The following LPL variants were observed in gnomAD, a reference collection of about 807,000 sequenced individuals.
The protein encoded by LPL is phospholipase A1.
A neutral mutation model predicts 52.2 loss-of-function variants in LPL; 43 were observed. The ratio of observed to expected loss-of-function variants is 0.82; its 90% CI spans 0.64 to 1.06. The LOEUF (loss-of-function observed/expected upper bound fraction) is 1.06. Ranked by LOEUF, LPL falls within the 50% of genes least tolerant of loss-of-function variation. The pLI is 0.00. For synonymous variants in LPL, 244 were observed against 215.6 expected, an observed-to-expected ratio of 1.13 and a Z score of -1.15; for missense variants, 639 against 585.3, an observed-to-expected ratio of 1.09 and a Z score of -0.95.
Position 19,954,125 on chromosome 8 carries a change from G to T in LPL, c.547G>T (p.Asp183Tyr). The change falls in exon 5 of 10, where the codon GAT becomes TAT. Residue 183 changes from aspartate (D) to tyrosine (Y), a missense_variant. Coordinates refer to ENST00000650287, the MANE Select transcript of LPL (RefSeq NM_000237.3). ...CTGCTTTTTTCCCTTTTAAGGCCTCGATCCAGCTGGACCTAACTTTGAGTA... is the reference window on the plus strand; with the variant it reads ...CTGCTTTTTTCCCTTTTAAGGCCTCTATCCAGCTGGACCTAACTTTGAGTA... ...NKKVNRITGL[D>Y]PAGPNFEYAE... The T allele has an allele frequency of 6.2e-7, 1 of 1,613,668 alleles. No individual in the cohort carries two copies. Among genetic ancestry groups the T allele is most frequent in the Middle Eastern group, 1.7e-4 (1 of 6,060 alleles).
intron 3 of LPL, among the ~76,000 whole-genome samples, chr8:19,952,543 T>G (rs771217134): frequency 6.6e-5 from 10 of 152,166 alleles, no homozygotes; most frequent in Non-Finnish European, 1.5e-4. Context: ...GAAAAGTATC[T>G]TGGGGTTGGA....
At chr8:19,940,650 C>T (rs2069829849) in intron 1 of LPL, among the ~76,000 whole-genome samples, 1 of 152,262 alleles carries the variant, frequency 6.6e-6, no homozygotes, top group African/African-American at 2.4e-5. Context: ...GCTGGAATTG[C>T]AATTAGGGCG....
rs1059611 is a variant in LPL, at chr8:19,967,052, T to C, written c.*1742T>C. On this transcript the variant is annotated 3_prime_UTR_variant, in exon 10 of 10. Transcript: ENST00000650287. ...GTAAATACATGTGTGGATGTGTAAA[T>C]GGAGCTTGTACATATTGGAAAGGTC... The C allele has an allele frequency of 0.13, 19,384 of 152,586 alleles. 1,338 individuals are homozygous for C. The highest frequency in any genetic ancestry group is 0.18 in the African/African-American group (7,586 of 41,486). The allele number at this position is 152,586 out of a possible 1,614,324, so 9.5% of individuals were successfully genotyped here. A position where few individuals can be genotyped will look rare whatever the true frequency, so the allele number is the denominator to read the frequency against.
chr8:19,939,622 G>T lies in LPL; in HGVS notation c.88+94G>T. The T allele has an allele frequency of 1.5e-6, 2 of 1,295,504 alleles. No individual in the cohort carries two copies. The highest frequency in any genetic ancestry group is 2.2e-6 in the Non-Finnish European group (2 of 928,082). 80.3% of individuals were successfully genotyped at this position (1,295,504 alleles called of 1,614,324 possible). A position where few individuals can be genotyped will look rare whatever the true frequency, so the allele number is the denominator to read the frequency against. ...GATGAGAAGAAGGAAGTTGGAAGGG[G>T]CGGTGGATGCGCCCAGGGACTCTCC... On this transcript the variant is annotated intron_variant, in intron 1 of 9. Transcript: ENST00000650287. This position sits in a 1 kb window ranked among gnomAD's most constrained non-coding sequence, Gnocchi z 4.0.
rs2069870321 is a variant in LPL at position 19,944,950 on chromosome 8, CT to C, written c.89-3227del. ...AGTTAAATTCAGAATGAAGGCCTGCCTTTCCTTCCCTCCTTCCTTCCCCTTC... is the reference window on the plus strand; with the variant it reads ...AGTTAAATTCAGAATGAAGGCCTGCCTTCCTTCCCTCCTTCCTTCCCCTTC... On this transcript the variant is annotated intron_variant, in intron 1 of 9. Coordinates refer to ENST00000650287, the MANE Select transcript of LPL (RefSeq NM_000237.3). The surrounding 1 kb of genome is among the most constrained non-coding windows in gnomAD (Gnocchi z 4.2). Among the ~76,000 whole-genome samples the C allele has an allele frequency of 2.0e-5, 3 of 152,152 alleles. No individual in the cohort carries two copies.
chr8:19,954,177 C>A lies in LPL; in HGVS notation c.599C>A (p.Pro200His). The A allele has an allele frequency of 6.2e-7, 1 of 1,614,188 alleles. No homozygotes were observed. The highest frequency in any genetic ancestry group is 1.1e-5 in the South Asian group (1 of 91,086). The stretch of plus-strand genomic sequence containing the variant: ...GCAGAAGCCCCGAGTCGTCTTTCTC[C>A]TGATGATGCAGATTTTGTAGACGTC... ...EYAEAPSRLS[P>H]DDADFVDVLH... The change falls in exon 5 of 10, where the codon CCT becomes CAT. Residue 200 changes from proline to histidine, a missense_variant. Transcript: ENST00000650287.
At chr8:19,940,213 C>T (rs1400406519) in intron 1 of LPL, among the ~76,000 whole-genome samples, 1 of 152,252 alleles carries the variant, frequency 6.6e-6, no homozygotes, top group African/African-American at 2.4e-5. Context: ...AGCTTCCAGG[C>T]TCGCATGCCC....
chr8:19,954,167 C>T lies in LPL; in HGVS notation c.589C>T (p.Arg197Cys), dbSNP rs768128481. 21 of 1,614,134 alleles carry T rather than the reference C, an allele frequency of 1.3e-5. No individual in the cohort carries two copies. The highest frequency in any genetic ancestry group is 4.4e-5 in the South Asian group (4 of 91,072). ...PNFEYAEAPS[R>C]LSPDDADFVD... ...CTTTGAGTATGCAGAAGCCCCGAGT[C>T]GTCTTTCTCCTGATGATGCAGATTT... Residue 197 changes from arginine to cysteine, a missense_variant, in exon 5 of 10, where the codon CGT becomes TGT. Arg to Cys is a radical substitution (Grantham distance 180, BLOSUM62 -3). Coordinates refer to ENST00000650287, the MANE Select transcript of LPL (RefSeq NM_000237.3).
At chr8:19,960,229 G>T (rs2070025831) in intron 7 of LPL, among the ~76,000 whole-genome samples, 1 of 152,182 alleles carries the variant, frequency 6.6e-6, no homozygotes, top group Admixed American at 6.5e-5. Context: ...ATCATTCACG[G>T]CTAGAACCCT....
intron 1 of LPL, among the ~76,000 whole-genome samples, chr8:19,940,432 C>T (rs2069825654): frequency 6.6e-6 from 1 of 152,194 alleles, no homozygotes; most frequent in South Asian, 2.1e-4. Context: ...CGCGTGGAGG[C>T]AGCGAGCACA....
chr8:19,939,427 G>T lies in LPL; in HGVS notation c.-14G>T. On this transcript the variant is annotated 5_prime_UTR_variant, in exon 1 of 10. Transcript: ENST00000650287. The surrounding 1 kb of genome is among the most constrained non-coding windows in gnomAD (Gnocchi z 4.0). ...TCCGCGCCTTGCAGCTCCTCCAGAGGGACGCGCCCCGAGATGGAGAGCAAA... is the reference window on the plus strand; with the variant it reads ...TCCGCGCCTTGCAGCTCCTCCAGAGTGACGCGCCCCGAGATGGAGAGCAAA... 1 of 1,602,022 alleles carries T rather than the reference G, an allele frequency of 6.2e-7. No homozygotes were observed. Among genetic ancestry groups the T allele is most frequent in the Non-Finnish European group, 8.5e-7 (1 of 1,174,976 alleles).
At chr8:19,955,415 A>C (rs941409799) in intron 5 of LPL, among the ~76,000 whole-genome samples, 1 of 152,168 alleles carries the variant, frequency 6.6e-6, no homozygotes, top group South Asian at 2.1e-4. Context: ...GGGGGTATTA[A>C]GTGCATTTTG....
intron 9 of LPL, among the ~76,000 whole-genome samples, chr8:19,964,169 C>G (rs2070065586): frequency 1.3e-5 from 2 of 152,094 alleles, no homozygotes; most frequent in African/African-American, 4.8e-5. Flanking sequence ...TCAGGCTGGT[C>G]TTGAACTCCT....
intron 6 of LPL, 110 bp from the exon 7 acceptor site, chr8:19,959,150 C>T: frequency 7.4e-7 from 1 of 1,355,134 alleles, no homozygotes; most frequent in South Asian, 1.2e-5. Flanking sequence ...GTGTGCACTT[C>T]CGGTTTGAGT....
intron 6 of LPL, among the ~76,000 whole-genome samples, chr8:19,958,411 G>C (rs1022966383): frequency 6.6e-6 from 1 of 152,078 alleles, no homozygotes; most frequent in African/African-American, 2.4e-5. Flanking sequence ...ATTTGCTCAG[G>C]GTTTTTGGTA....
At position 19,944,249 on chromosome 8, in the gene LPL, T is replaced by G. The variant is rs2069864972; in HGVS notation, c.89-3931T>G. 6.6e-6 allele frequency among the ~76,000 whole-genome samples: 1 copy of G among 152,154 alleles called. No individual in the cohort carries two copies. Among genetic ancestry groups the G allele is most frequent in the Non-Finnish European group, 1.5e-5 (1 of 68,030 alleles). On this transcript the variant is annotated intron_variant, in intron 1 of 9. Transcript: ENST00000650287. This position sits in a 1 kb window ranked among gnomAD's most constrained non-coding sequence, Gnocchi z 4.2. ...TGCATGTTAGAGAAGTCAAGAGCAT[T>G]ACTTACGTTAGAATATCTGAACAGA...
Position 19,953,218 on chromosome 8 carries a change from TA to T in LPL, c.430-91del. The T allele has an allele frequency of 1.0e-5, 8 of 773,868 alleles. No individual in the cohort carries two copies. The South Asian group carries it at 1.2e-4, about 11-fold the overall frequency. The allele number at this position is 773,868 out of a possible 1,614,324, so 47.9% of individuals were successfully genotyped here. A position where few individuals can be genotyped will look rare whatever the true frequency, so the allele number is the denominator to read the frequency against. ...TAGAATTAGTTTTCAGTATTTCCTA[TA>T]TTTGGAAAACAATATTTATATTCAT... On this transcript the variant is annotated intron_variant, in intron 3 of 9. Transcript: ENST00000650287.
intron 6 of LPL, 136 bp downstream of exon 6, chr8:19,956,219 T>C (rs866723104): frequency 1.7e-5 from 21 of 1,262,332 alleles, no homozygotes; most frequent in Non-Finnish European, 2.4e-5. Context: ...CTGGTGTTTC[T>C]GTTGATAGGG....
In LPL at chr8:19,957,988, TTTTATTTATTTA is replaced by T. The variant is rs10634207; in HGVS notation, c.1019-1236_1019-1225del. On this transcript the variant is annotated intron_variant, in intron 6 of 9. Transcript: ENST00000650287. ...AGAAGAAAAAACATTCCAAGAATTA[TTTTATTTATTTA>T]TTTATTTATTTATTTATTTATTTAT... Among the ~76,000 whole-genome samples, 256 of 140,860 alleles carry T rather than the reference TTTTATTTATTTA, an allele frequency of 1.8e-3. 1 individual carries two copies. The highest frequency in any genetic ancestry group is 3.9e-3 in the African/African-American group (150 of 38,078). 92.4% of individuals were successfully genotyped at this position (140,860 alleles called of 152,430 possible).
Sources: gnomAD v4.1 joint callset for allele counts (sites outside exome capture counted in the v4.1 genomes callset) on GRCh38, gnomAD v4.1.1 for gene constraint, Gnocchi (gnomAD v3.1) non-coding constraint, MANE v1.5 for transcripts, NCBI Gene and HGNC (gene_info 2026-07-23, HGNC 2026-07-21) for gene names.